The following OR2A5 variants were observed in gnomAD, a reference collection of about 807,000 sequenced individuals.
OR2A5 encodes the protein olfactory receptor family 2 subfamily A member 5, also known as olfactory receptor 2A5.
OR2A5 carries 2 observed loss-of-function variants against 1.9 expected under a neutral mutation model. The observed-to-expected ratio is 1.04, with a 90% CI of 0.43 to 3.28. The LOEUF (loss-of-function observed/expected upper bound fraction) is 3.28, where lower values mean the gene tolerates loss of function less well. OR2A5 is among the 30% of genes most tolerant of loss of function. The probability of loss-of-function intolerance (pLI) is 0.08; values close to 1 mark genes in which losing one functional copy is unlikely to be tolerated. For synonymous variants in OR2A5, 160 were observed against 154.5 expected (o/e 1.04, Z -0.26); for missense variants, 391 against 375.9 (o/e 1.04, Z -0.33).
chr7:144,057,790 T>G lies in OR2A5; in HGVS notation c.*6453T>G, dbSNP rs185999277. 1 of 152,236 alleles carries G rather than the reference T, an allele frequency of 6.6e-6. No individual in the cohort carries two copies. The highest frequency in any genetic ancestry group is 2.4e-5 in the African/African-American group (1 of 41,536). 9.4% of individuals were successfully genotyped at this position (152,236 alleles called of 1,614,324 possible). ...TAGGGTACATGCGAAGCATACGAGTTGATAAAGAATAATAGTAAATATAAT... is the reference window on the plus strand; with the variant it reads ...TAGGGTACATGCGAAGCATACGAGTGGATAAAGAATAATAGTAAATATAAT... On this transcript the variant is annotated 3_prime_UTR_variant, in exon 2 of 2. Transcript: ENST00000641693.
At position 144,053,832 on chromosome 7, in the gene OR2A5, C is replaced by A. The variant is rs1467884607; in HGVS notation, c.*2495C>A. 1 of 152,260 alleles carries A rather than the reference C, an allele frequency of 6.6e-6. No individual in the cohort carries two copies. Among genetic ancestry groups the A allele is most frequent in the African/African-American group, 2.4e-5 (1 of 41,466 alleles). 9.4% of individuals were successfully genotyped at this position (152,260 alleles called of 1,614,324 possible). On this transcript the variant is annotated 3_prime_UTR_variant, in exon 2 of 2. Coordinates refer to ENST00000641693, the MANE Select transcript of OR2A5 (RefSeq NM_012365.2). Reference sequence around the variant, plus strand: ...TTACCACCTTTGGGAAGAGTAGAAACACTCACATTAGCAGCATCATCATTT... The same window carrying A: ...TTACCACCTTTGGGAAGAGTAGAAAAACTCACATTAGCAGCATCATCATTT...
rs199890168 is a variant in OR2A5 at position 144,050,733 on chromosome 7, A to C, written c.332A>C (p.Glu111Ala). 6.2e-7 allele frequency: 1 copy of C among 1,613,972 alleles called. No individual in the cohort carries two copies. Among genetic ancestry groups the C allele is most frequent in the African/African-American group, 1.3e-5 (1 of 74,928 alleles). The change falls in exon 2 of 2, where the codon GAG becomes GCG. Residue 111 changes from glutamate to alanine, a missense_variant. Coordinates refer to ENST00000641693, the MANE Select transcript of OR2A5 (RefSeq NM_012365.2). ...TFLYMAFAHT[E>A]CLILVMMSYD... Reference sequence around the variant, plus strand: ...TTATACATGGCTTTTGCTCACACTGAGTGTCTCATCTTGGTAATGATGTCC... The same window carrying C: ...TTATACATGGCTTTTGCTCACACTGCGTGTCTCATCTTGGTAATGATGTCC...
Position 144,051,692 on chromosome 7 carries a change from A to T in OR2A5, c.*355A>T, listed in dbSNP as rs1586880729. On this transcript the variant is annotated 3_prime_UTR_variant, in exon 2 of 2. Transcript: ENST00000641693. ...CATAAGTATATGCTGGTAATCCCATACCATATGCTACTATAAGAGAGTACT... is the reference window on the plus strand; with the variant it reads ...CATAAGTATATGCTGGTAATCCCATTCCATATGCTACTATAAGAGAGTACT... The T allele has an allele frequency of 4.4e-6, 1 of 228,894 alleles. No homozygotes were observed. The highest frequency in any genetic ancestry group is 1.0e-4 in the East Asian group (1 of 9,574). 14.2% of individuals were successfully genotyped at this position (228,894 alleles called of 1,614,324 possible).
At chr7:144,049,504 C>T (rs193066433) in intron 1 of OR2A5, among the ~76,000 whole-genome samples, 1,726 of 152,200 alleles carry the variant, frequency 0.011, 16 homozygotes, top group Admixed American at 0.02. Flanking sequence ...TTTCATTCGT[C>T]CATCCATCCA....
Position 144,056,587 on chromosome 7 carries a change from T to A in OR2A5, c.*5250T>A, listed in dbSNP as rs888274269. On this transcript the variant is annotated 3_prime_UTR_variant, in exon 2 of 2. Transcript: ENST00000641693. ...AAAATATCAACAACTGGAAAATAAA[T>A]TCACTTCTGATGATGTCCCTTGTGC... 1.3e-5 allele frequency: 2 copies of A among 152,160 alleles called. No individual in the cohort carries two copies. The highest frequency in any genetic ancestry group is 2.9e-5 in the Non-Finnish European group (2 of 68,018). The allele number at this position is 152,160 out of a possible 1,614,324, so 9.4% of individuals were successfully genotyped here. A position where few individuals can be genotyped will look rare whatever the true frequency, so the allele number is the denominator to read the frequency against.
Position 144,052,522 on chromosome 7 carries a change from A to G in OR2A5, c.*1185A>G, listed in dbSNP as rs1299346359. On this transcript the variant is annotated 3_prime_UTR_variant, in exon 2 of 2. Transcript: ENST00000641693. The stretch of plus-strand genomic sequence containing the variant: ...TGCCTGTACCTTTTCTATTTTTACA[A>G]TTTTAAAATATATTCTTATCACTTC... The G allele has an allele frequency of 6.6e-6, 1 of 152,028 alleles. No homozygotes were observed. Among genetic ancestry groups the G allele is most frequent in the Admixed American group, 6.6e-5 (1 of 15,234 alleles). 9.4% of individuals were successfully genotyped at this position (152,028 alleles called of 1,614,324 possible). A position where few individuals can be genotyped will look rare whatever the true frequency, so the allele number is the denominator to read the frequency against.
At position 144,056,424 on chromosome 7, in the gene OR2A5, G is replaced by A. The variant is rs2050939731; in HGVS notation, c.*5087G>A. 6.6e-6 allele frequency: 1 copy of A among 152,186 alleles called. No individual in the cohort carries two copies. The highest frequency in any genetic ancestry group is 1.5e-5 in the Non-Finnish European group (1 of 68,070). 9.4% of individuals were successfully genotyped at this position (152,186 alleles called of 1,614,324 possible). On this transcript the variant is annotated 3_prime_UTR_variant, in exon 2 of 2. Coordinates refer to ENST00000641693, the MANE Select transcript of OR2A5 (RefSeq NM_012365.2). ...TTACGTAAGATCCAGGTCTGGATAG[G>A]AAGCCCAAAGAGCTGGGCCAAGACA...
Position 144,051,221 on chromosome 7 carries a change from C to T in OR2A5, c.820C>T (p.Leu274Phe). 14 of 1,614,200 alleles carry T rather than the reference C, an allele frequency of 8.7e-6. No homozygotes were observed. Among genetic ancestry groups the T allele is most frequent in the Non-Finnish European group, 1.2e-5 (14 of 1,180,024 alleles). ...SRHPEEQQKV[L>F]SLFYSLFNPM... ...CCACCCTGAGGAGCAGCAGAAGGTC[C>T]TTTCCCTGTTTTACAGCCTTTTCAA... Residue 274 changes from leucine to phenylalanine, a missense_variant, in exon 2 of 2, where the codon CTT (leucine) becomes TTT (phenylalanine). By Grantham distance (22) the Leu-to-Phe change is conservative. Coordinates refer to ENST00000641693, the MANE Select transcript of OR2A5 (RefSeq NM_012365.2).
In OR2A5 at chr7:144,056,822, T is replaced by A. The variant is rs201463320; in HGVS notation, c.*5485T>A. On this transcript the variant is annotated 3_prime_UTR_variant, in exon 2 of 2. Coordinates refer to ENST00000641693, the MANE Select transcript of OR2A5 (RefSeq NM_012365.2). ...TAAGGACTAACTCTTGTTTTTTTTT[T>A]TTTTTTTTTTGAGACGGAGTCTCGC... is the stretch of plus-strand genomic sequence containing the variant. The A allele has an allele frequency of 7.0e-6, 1 of 143,814 alleles. No homozygotes were observed. Among genetic ancestry groups the A allele is most frequent in the Non-Finnish European group, 1.5e-5 (1 of 66,660 alleles). 8.9% of individuals were successfully genotyped at this position (143,814 alleles called of 1,614,324 possible).
chr7:144,050,657 T>A lies in OR2A5; in HGVS notation c.256T>A (p.Leu86Met). ...CCCCAAGATGCTGACAAACCTTGGC[T>A]TGAACAAGAGAAAAACAATCTCCTT... ...NVPKMLTNLGLNKRKTISFVP... is the reference protein window; with the variant it reads ...NVPKMLTNLGMNKRKTISFVP... The change falls in exon 2 of 2, where the codon TTG (leucine) becomes ATG (methionine). Residue 86 changes from leucine to methionine, a missense_variant. Transcript: ENST00000641693. 1 of 1,614,160 alleles carries A rather than the reference T, an allele frequency of 6.2e-7. No individual in the cohort carries two copies. The highest frequency in any genetic ancestry group is 8.5e-7 in the Non-Finnish European group (1 of 1,180,014).
Position 144,056,821 on chromosome 7 carries a change from T to TTTG in OR2A5, c.*5486_*5487insGTT, listed in dbSNP as rs2050943152. On this transcript the variant is annotated 3_prime_UTR_variant, in exon 2 of 2. Coordinates refer to ENST00000641693, the MANE Select transcript of OR2A5 (RefSeq NM_012365.2). ...ATAAGGACTAACTCTTGTTTTTTTT[T>TTTG]TTTTTTTTTTTGAGACGGAGTCTCG... 6.8e-6 allele frequency: 1 copy of TTTG among 146,454 alleles called. No individual in the cohort carries two copies. The highest frequency in any genetic ancestry group is 2.5e-5 in the African/African-American group (1 of 39,458). 9.1% of individuals were successfully genotyped at this position (146,454 alleles called of 1,614,324 possible).
rs1178180982 is a variant in OR2A5, at chr7:144,050,475, T to C, written c.74T>C (p.Leu25Pro). The C allele has an allele frequency of 6.3e-6, 10 of 1,581,584 alleles. No individual in the cohort carries two copies. Among genetic ancestry groups the C allele is most frequent in the Non-Finnish European group, 7.7e-6 (9 of 1,167,396 alleles). The change falls in exon 2 of 2, where the codon CTC becomes CCC. Residue 25 changes from leucine (L) to proline (P), a missense_variant. Transcript: ENST00000641693. ...CCACTCAGCCTAAGGATTCAGATGC[T>C]CCTCTCTGGGCTTTTCTCCCTGTTA... ...GFPLSLRIQM[L>P]LSGLFSLLYV...
Position 144,054,298 on chromosome 7 carries a change from C to T in OR2A5, c.*2961C>T, listed in dbSNP as rs1457501611. The T allele has an allele frequency of 6.6e-6, 1 of 152,112 alleles. No individual in the cohort carries two copies. The highest frequency in any genetic ancestry group is 2.4e-5 in the African/African-American group (1 of 41,404). The allele number at this position is 152,112 out of a possible 1,614,324, so 9.4% of individuals were successfully genotyped here. ...TGGCTAACAAGGTTTCAGCTAGGTG[C>T]CTTATATAACTTTTATGAATGCTAA... On this transcript the variant is annotated 3_prime_UTR_variant, in exon 2 of 2. Coordinates refer to ENST00000641693, the MANE Select transcript of OR2A5 (RefSeq NM_012365.2).
rs1323380630 is a variant in OR2A5, at chr7:144,050,817, G to T, written c.416G>T (p.Gly139Val). 1 of 1,614,196 alleles carries T rather than the reference G, an allele frequency of 6.2e-7. No individual in the cohort carries two copies. The highest frequency in any genetic ancestry group is 8.5e-7 in the Non-Finnish European group (1 of 1,180,032). Residue 139 changes from glycine to valine, a missense_variant, in exon 2 of 2, where the codon GGA becomes GTA. Transcript: ENST00000641693. ...CAATATTCTGTCATCATGAGATGGG[G>T]AGTGTGCACAGTCCTGGCTGTCACT... ...PLQYSVIMRW[G>V]VCTVLAVTSW...
chr7:144,049,538 AG>A (rs1449387632), intron 1 of OR2A5, among the ~76,000 whole-genome samples: 1 of 152,188 alleles, frequency 6.6e-6, no homozygotes, highest in Non-Finnish European at 1.5e-5. Flanking sequence ...TCATCCAACA[AG>A]TGTAGTGGGC....
chr7:144,050,304 C>A, intron 1 of OR2A5, 47 bp from the exon 2 acceptor site: 2 of 786,148 alleles, frequency 2.5e-6, no homozygotes, highest in South Asian at 3.8e-5. Flanking sequence ...ACCATAAACC[C>A]CCTCCTTCTG....
rs2050909498 is a variant in OR2A5 at position 144,051,835 on chromosome 7, T to A, written c.*498T>A. On this transcript the variant is annotated 3_prime_UTR_variant, in exon 2 of 2. Coordinates refer to ENST00000641693, the MANE Select transcript of OR2A5 (RefSeq NM_012365.2). ...AACCTAAAGCCTAAGGATGATGATA[T>A]TAGTACTGGAAGTTCATCTAAATCA... 1 of 155,234 alleles carries A rather than the reference T, an allele frequency of 6.4e-6. No individual in the cohort carries two copies. Among genetic ancestry groups the A allele is most frequent in the African/African-American group, 2.4e-5 (1 of 41,464 alleles). 9.6% of individuals were successfully genotyped at this position (155,234 alleles called of 1,614,324 possible).
Position 144,055,412 on chromosome 7 carries a change from A to G in OR2A5, c.*4075A>G, listed in dbSNP as rs2050931966. ...TTCCAATGTCTCTTCAATCTTGAAA[A>G]TTTAAGATTTCATAATAAACTTTTT... On this transcript the variant is annotated 3_prime_UTR_variant, in exon 2 of 2. Coordinates refer to ENST00000641693, the MANE Select transcript of OR2A5 (RefSeq NM_012365.2). 6.6e-6 allele frequency: 1 copy of G among 152,224 alleles called. No individual in the cohort carries two copies. Among genetic ancestry groups the G allele is most frequent in the African/African-American group, 2.4e-5 (1 of 41,462 alleles). The allele number at this position is 152,224 out of a possible 1,614,324, so 9.4% of individuals were successfully genotyped here.
In OR2A5 at chr7:144,050,352, ACATAGCT is replaced by A. The variant is rs1465994783; in HGVS notation, c.-46_-40del. ...TCCGGATCTGCATTTGCTCCTCAGC[ACATAGCT>A]CATTGCCACAGCAGAGTCCAACGCA... On this transcript the variant is annotated splice_region_variant and 5_prime_UTR_variant, in exon 2 of 2. Transcript: ENST00000641693. The A allele has an allele frequency of 3.2e-6, 4 of 1,235,394 alleles. No homozygotes were observed. The highest frequency in any genetic ancestry group is 2.3e-6 in the Non-Finnish European group (2 of 877,214). The allele number at this position is 1,235,394 out of a possible 1,614,324, so 76.5% of individuals were successfully genotyped here. A position where few individuals can be genotyped will look rare whatever the true frequency, so the allele number is the denominator to read the frequency against.
Sources: gnomAD v4.1 joint callset for allele counts (sites outside exome capture counted in the v4.1 genomes callset) on GRCh38, gnomAD v4.1.1 for gene constraint, MANE v1.5 for transcripts, NCBI Gene and HGNC (gene_info 2026-07-23, HGNC 2026-07-21) for gene names.